PPA2: variants seen among roughly 807,000 people sequenced by gnomAD.
PPA2 encodes inorganic pyrophosphatase 2, also known as inorganic pyrophosphatase 2, mitochondrial.
In PPA2, 48 loss-of-function variants were observed where a neutral mutation model predicts 49.5. The observed-to-expected ratio is 0.97, with a 90% CI of 0.77 to 1.23. PPA2 has a LOEUF of 1.23. Ranked by LOEUF, PPA2 falls within the 50% of genes most tolerant of loss-of-function variation. The pLI, the probability that PPA2 is intolerant of heterozygous loss-of-function variation, is 0.00. For synonymous variants in PPA2, 131 were observed against 139.9 expected, an observed-to-expected ratio of 0.94 and a Z score of 0.45; for missense variants, 429 against 410.1, an observed-to-expected ratio of 1.05 and a Z score of -0.40.
chr4:105,472,211 C>T (rs1379201695), intron 1 of PPA2, among the ~76,000 whole-genome samples: 3 of 152,190 alleles, frequency 2.0e-5, no homozygotes, highest in African/African-American at 7.2e-5. Context: ...ACTGAAGTAA[C>T]CACCCACCCA....
At chr4:105,436,523 CA>C (rs112531590) in intron 6 of PPA2, among the ~76,000 whole-genome samples, 19,152 of 152,020 alleles carry the variant, frequency 0.13, 1,291 homozygotes, top group African/African-American at 0.16. Context: ...CAATCCTAAG[CA>C]AAAAGAACAA....
chr4:105,407,814 A>C (rs1478932120), intron 7 of PPA2, among the ~76,000 whole-genome samples: 1 of 152,184 alleles, frequency 6.6e-6, no homozygotes, highest in Non-Finnish European at 1.5e-5. Context: ...ACAGAAAGTA[A>C]ATCAGTGTTT....
intron 3 of PPA2, 118 bp downstream of exon 3, chr4:105,453,480 A>G: frequency 3.0e-6 from 2 of 665,532 alleles, no homozygotes; most frequent in Non-Finnish European, 4.7e-6. Context: ...ATCGGAATGC[A>G]CATGAAAGTC....
chr4:105,424,286 G>C lies in PPA2; in HGVS notation c.565C>G (p.Leu189Val). The change falls in exon 7 of 12, where the codon CTT (leucine) becomes GTT (valine). Residue 189 changes from leucine to valine, a missense_variant. Coordinates refer to ENST00000341695, the MANE Select transcript of PPA2 (RefSeq NM_176869.3). ...SCGEVIHVKILGILALIDEGE... is the reference protein window; with the variant it reads ...SCGEVIHVKIVGILALIDEGE... Reference sequence around the variant, plus strand: ...TCATCAATAAGAGCCAAAATTCCAAGGATCTTCACATGAATAACTTCTCCA... The same window carrying C: ...TCATCAATAAGAGCCAAAATTCCAACGATCTTCACATGAATAACTTCTCCA... The C allele has an allele frequency of 6.2e-7, 1 of 1,602,900 alleles. No individual in the cohort carries two copies. Among genetic ancestry groups the C allele is most frequent in the Non-Finnish European group, 8.5e-7 (1 of 1,176,900 alleles).
chr4:105,426,762 C>T (rs945411037), intron 6 of PPA2, among the ~76,000 whole-genome samples: 6 of 152,246 alleles, frequency 3.9e-5, no homozygotes, highest in African/African-American at 1.4e-4. Flanking sequence ...TAGATTCTAC[C>T]TCTGGGGCAG....
chr4:105,373,021 T>TA (rs1297075959), intron 10 of PPA2, among the ~76,000 whole-genome samples: 1 of 152,204 alleles, frequency 6.6e-6, no homozygotes, highest in Non-Finnish European at 1.5e-5. Context: ...TTGTTTGTTT[T>TA]AGAGATGGAG....
intron 7 of PPA2, among the ~76,000 whole-genome samples, chr4:105,413,982 C>CA (rs1303465691): frequency 1.3e-5 from 2 of 152,084 alleles, no homozygotes; most frequent in Non-Finnish European, 2.9e-5. Flanking sequence ...GGTTAATATG[C>CA]AAAAACTCTG....
intron 1 of PPA2, among the ~76,000 whole-genome samples, chr4:105,466,959 G>A (rs1723331130): frequency 1.3e-5 from 2 of 152,190 alleles, no homozygotes; most frequent in African/African-American, 2.4e-5. Flanking sequence ...GCAAACGCTT[G>A]AGCCCACTCA....
chr4:105,445,886 T>C (rs1322729873), intron 5 of PPA2, among the ~76,000 whole-genome samples: 1 of 152,078 alleles, frequency 6.6e-6, no homozygotes, highest in Non-Finnish European at 1.5e-5. Context: ...TTGTTTTCTC[T>C]GCTTTCTACT....
intron 10 of PPA2, among the ~76,000 whole-genome samples, chr4:105,371,428 T>C (rs1324523828): frequency 2.0e-5 from 3 of 152,208 alleles, no homozygotes; most frequent in African/African-American, 7.2e-5. Context: ...GGAAGATCTA[T>C]TTTCCATAAG....
At chr4:105,443,434 C>T (rs1350731166) in intron 5 of PPA2, among the ~76,000 whole-genome samples, 2 of 112,660 alleles carry the variant, frequency 1.8e-5, no homozygotes, top group African/African-American at 7.1e-5. Flanking sequence ...TGAACATCAA[C>T]CATCAAGCAG....
intron 7 of PPA2, among the ~76,000 whole-genome samples, chr4:105,418,010 A>C (rs1168389065): frequency 6.6e-6 from 1 of 152,152 alleles, no homozygotes; most frequent in African/African-American, 2.4e-5. Context: ...CTCTATCCTT[A>C]AAAAAAGAGA....
At chr4:105,370,297 A>C (rs1732970198) in intron 11 of PPA2, among the ~76,000 whole-genome samples, 1 of 152,212 alleles carries the variant, frequency 6.6e-6, no homozygotes, top group Admixed American at 6.5e-5. Context: ...TTTTATATTA[A>C]AACAAAAAGC....
chr4:105,467,175 C>T (rs1723339322), intron 1 of PPA2, among the ~76,000 whole-genome samples: 1 of 152,200 alleles, frequency 6.6e-6, no homozygotes, highest in South Asian at 2.1e-4. Context: ...CTGCTCATGC[C>T]TGACTAGCTA....
intron 7 of PPA2, among the ~76,000 whole-genome samples, chr4:105,419,758 AT>A (rs201651280): frequency 0.011 from 1,602 of 150,558 alleles, 22 homozygotes; most frequent in African/African-American, 0.038. Context: ...ATCAAAAAAA[AT>A]AAAAGTTATT....
At chr4:105,466,866 G>A (rs562794929) in intron 1 of PPA2, among the ~76,000 whole-genome samples, 1 of 152,140 alleles carries the variant, frequency 6.6e-6, no homozygotes, top group African/African-American at 2.4e-5. Context: ...AGTTGTACGC[G>A]TGTTCACTTG....
chr4:105,438,764 T>G (rs1420581563), intron 5 of PPA2, among the ~76,000 whole-genome samples: 1 of 152,192 alleles, frequency 6.6e-6, no homozygotes, highest in Admixed American at 6.5e-5. Context: ...TGATTCTAAA[T>G]GGAACTGTAG....
chr4:105,450,839 C>T (rs1722646710), intron 3 of PPA2, among the ~76,000 whole-genome samples: 1 of 151,990 alleles, frequency 6.6e-6, no homozygotes, highest in Non-Finnish European at 1.5e-5. Flanking sequence ...GATCTCCTGA[C>T]CTCGTGATCC....
At chr4:105,458,032 A>T (rs913347014) in intron 1 of PPA2, among the ~76,000 whole-genome samples, 2 of 152,204 alleles carry the variant, frequency 1.3e-5, no homozygotes, top group African/African-American at 4.8e-5. Context: ...AGGTATGGTA[A>T]AGGGAAATGT....
Sources: allele counts gnomAD v4.1 joint callset (sites outside exome capture counted in the v4.1 genomes callset), GRCh38; gene constraint gnomAD v4.1.1; transcripts MANE v1.5; gene names NCBI Gene and HGNC (gene_info 2026-07-23, HGNC 2026-07-21).